Variants in HSF1 observed in about 807,000 individuals in gnomAD.
HSF1 encodes heat shock factor protein 1.
Under a neutral mutation model 51.7 loss-of-function variants are expected in HSF1, and 32 were observed. The ratio of observed to expected loss-of-function variants is 0.62; its 90% confidence interval spans 0.47 to 0.83. HSF1 has a LOEUF of 0.83. Ranked by LOEUF, HSF1 falls within the 40% of genes least tolerant of loss-of-function variation. The pLI is 0.00. For synonymous variants in HSF1, 396 were observed against 309.7 expected (o/e 1.28, Z -2.92); for missense variants, 727 against 717.0 (o/e 1.01, Z -0.16).
chr8:144,300,373 C>T (rs1588634650), intron 1 of HSF1, among the ~76,000 whole-genome samples: 1 of 152,084 alleles, frequency 6.6e-6, no homozygotes, highest in Non-Finnish European at 1.5e-5. Flanking sequence ...CCCGCCACCT[C>T]GCCCGGCTAA....
At chr8:144,310,230 G>A (rs1191509738) in intron 4 of HSF1, 5 of 256,438 alleles carry the variant, frequency 1.9e-5, no homozygotes, top group Admixed American at 1.0e-4. Context: ...CAGCAGACCC[G>A]TCCCACCCGC....
intron 1 of HSF1, among the ~76,000 whole-genome samples, chr8:144,296,720 C>T (rs906635199): frequency 2.6e-5 from 4 of 151,388 alleles, no homozygotes; most frequent in Non-Finnish European, 5.9e-5. Context: ...GGCAGGAGAA[C>T]GGCGTGAACC....
chr8:144,302,654 C>T (rs1308381476), intron 1 of HSF1, among the ~76,000 whole-genome samples: 1 of 151,468 alleles, frequency 6.6e-6, no homozygotes, highest in South Asian at 2.1e-4. Flanking sequence ...ATAGGGAGAC[C>T]CATCTCTACA....
intron 1 of HSF1, among the ~76,000 whole-genome samples, chr8:144,299,643 C>G (rs1372652191): frequency 6.6e-6 from 1 of 152,070 alleles, no homozygotes; most frequent in African/African-American, 2.4e-5. Flanking sequence ...GGCGTGGTGG[C>G]TCACACCTGT....
chr8:144,313,221 C>G (rs1258088923), intron 9 of HSF1: 1 of 456,548 alleles, frequency 2.2e-6, no homozygotes, highest in African/African-American at 2.0e-5. Context: ...ATCCCTGATC[C>G]TTGTGCTGGA....
intron 3 of HSF1, 75 bp from the exon 4 acceptor site, chr8:144,309,697 G>A: frequency 3.1e-6 from 5 of 1,593,056 alleles, no homozygotes; most frequent in Non-Finnish European, 3.4e-6. Flanking sequence ...TGAGGGACCT[G>A]GCTGCAGTGG....
At chr8:144,292,284 A>G (rs1225694554) in intron 1 of HSF1, among the ~76,000 whole-genome samples, 2 of 152,334 alleles carry the variant, frequency 1.3e-5, no homozygotes, top group Non-Finnish European at 2.9e-5. Context: ...GTCGGCAACT[A>G]TTAGGAGAAA....
In HSF1 at chr8:144,300,259, C is replaced by CA. The variant is rs1815769984; in HGVS notation, c.117+8386dup. Among the ~76,000 whole-genome samples the CA allele has an allele frequency of 2.1e-5, 3 of 143,328 alleles. No homozygotes were observed. In the South Asian group the frequency reaches 6.7e-4, roughly 32 times the overall value. The allele number at this position is 143,328 out of a possible 152,430, so 94.0% of individuals were successfully genotyped here. A position where few individuals can be genotyped will look rare whatever the true frequency, so the allele number is the denominator to read the frequency against. On this transcript the variant is annotated intron_variant, in intron 1 of 12. Coordinates refer to ENST00000528838, the MANE Select transcript of HSF1 (RefSeq NM_005526.4). Reference sequence around the variant, plus strand: ...TTGAGACGGAGTCTCGCTCTGTTGCCAGGCTGGAGTGCAGTGGCACAATCT... The same window carrying CA: ...TTGAGACGGAGTCTCGCTCTGTTGCCAAGGCTGGAGTGCAGTGGCACAATCT...
Position 144,308,824 on chromosome 8 carries a change from A to G in HSF1, c.118-82A>G, listed in dbSNP as rs1162286117. Reference sequence around the variant, plus strand: ...GGAACGTGCACTGCCTGCGTTTCAGAAGGGGCGGCCTGGGGAAGGGGCGGC... The same window carrying G: ...GGAACGTGCACTGCCTGCGTTTCAGGAGGGGCGGCCTGGGGAAGGGGCGGC... On this transcript the variant is annotated intron_variant, in intron 1 of 12. Coordinates refer to ENST00000528838, the MANE Select transcript of HSF1 (RefSeq NM_005526.4). 5 of 1,123,580 alleles carry G rather than the reference A, an allele frequency of 4.5e-6. No homozygotes were observed. The African/African-American group carries it at 6.1e-5, about 14-fold the overall frequency. The allele number at this position is 1,123,580 out of a possible 1,614,324, so 69.6% of individuals were successfully genotyped here. A position where few individuals can be genotyped will look rare whatever the true frequency, so the allele number is the denominator to read the frequency against.
At chr8:144,301,609 G>A (rs1278204887) in intron 1 of HSF1, among the ~76,000 whole-genome samples, 2 of 152,124 alleles carry the variant, frequency 1.3e-5, no homozygotes, top group African/African-American at 4.8e-5. Flanking sequence ...GCTCACGCCT[G>A]TAATCCCAGC....
intron 1 of HSF1, among the ~76,000 whole-genome samples, chr8:144,301,802 T>C (rs1290476397): frequency 3.6e-5 from 5 of 140,352 alleles, no homozygotes; most frequent in African/African-American, 5.4e-5. Context: ...GAGGCAGAGC[T>C]TGCAGTGAGC....
At chr8:144,300,501 G>A (rs571340701) in intron 1 of HSF1, among the ~76,000 whole-genome samples, 1 of 151,826 alleles carries the variant, frequency 6.6e-6, no homozygotes, top group South Asian at 2.1e-4. Context: ...GTCAGCCACC[G>A]CGCCCGGCCT....
Position 144,314,401 on chromosome 8 carries a change from C to CA in HSF1, c.*72dup. ...CAGGGCTGGTCTTGGGGAGGCAGGG[C>CA]AGCCTCGCGGTCTTGGGCACTGGTG... On this transcript the variant is annotated 3_prime_UTR_variant, in exon 13 of 13. Transcript: ENST00000528838. 1 of 1,388,542 alleles carries CA rather than the reference C, an allele frequency of 7.2e-7. No individual in the cohort carries two copies. Among genetic ancestry groups the CA allele is most frequent in the Non-Finnish European group, 9.9e-7 (1 of 1,012,778 alleles). The allele number at this position is 1,388,542 out of a possible 1,614,324, so 86.0% of individuals were successfully genotyped here. A position where few individuals can be genotyped will look rare whatever the true frequency, so the allele number is the denominator to read the frequency against.
chr8:144,309,424 G>A (rs782563446), intron 2 of HSF1, 31 bp from the exon 3 acceptor site: 30 of 1,612,692 alleles, frequency 1.9e-5, no homozygotes, highest in Non-Finnish European at 2.4e-5. Context: ...CCGCCCTGAG[G>A]CAGAGCTGCC....
In HSF1 at chr8:144,291,761, G is replaced by T; in HGVS notation, c.4G>T (p.Asp2Tyr). The T allele has an allele frequency of 6.6e-7, 1 of 1,513,368 alleles. No individual in the cohort carries two copies. Among genetic ancestry groups the T allele is most frequent in the Non-Finnish European group, 8.8e-7 (1 of 1,131,358 alleles). 93.7% of individuals were successfully genotyped at this position (1,513,368 alleles called of 1,614,324 possible). ...GCCTATTCCCTCCTTGCTCGAGATGGATCTGCCCGTGGGCCCCGGCGCGGC... is the reference window on the plus strand; with the variant it reads ...GCCTATTCCCTCCTTGCTCGAGATGTATCTGCCCGTGGGCCCCGGCGCGGC... M[D>Y]LPVGPGAAGP... Residue 2 changes from aspartate to tyrosine, a missense_variant, in exon 1 of 13, where the codon GAT (aspartate) becomes TAT (tyrosine). Asp to Tyr is a radical substitution (Grantham distance 160). This residue lies in a region of HSF1 where 257 missense variants were observed against 318.3 expected (regional missense o/e 0.81). Coordinates refer to ENST00000528838, the MANE Select transcript of HSF1 (RefSeq NM_005526.4). The surrounding 1 kb of genome is among the most constrained non-coding windows in gnomAD (Gnocchi z 4.1).
Position 144,309,004 on chromosome 8 carries a change from G to T in HSF1, c.216G>T (p.Gln72His). The T allele has an allele frequency of 6.2e-7, 1 of 1,613,132 alleles. No individual in the cohort carries two copies. The highest frequency in any genetic ancestry group is 8.5e-7 in the Non-Finnish European group (1 of 1,179,108). The change falls in exon 2 of 13, where the codon CAG (glutamine) becomes CAT (histidine). Residue 72 changes from glutamine (Q) to histidine (H), a missense_variant. Gln to His is a conservative substitution (Grantham distance 24). Around this residue, in one of 2 missense-constraint regions of HSF1, gnomAD observed 257 missense variants for 318.3 expected, o/e 0.81. Coordinates refer to ENST00000528838, the MANE Select transcript of HSF1 (RefSeq NM_005526.4). ...KHNNMASFVR[Q>H]LNMYGFRKVV... ...ACAACATGGCCAGCTTCGTGCGGCA[G>T]CTCAACATGTGTGAGTGCTGCCTCC...
intron 10 of HSF1, 58 bp from the exon 11 acceptor site, chr8:144,313,788 G>GCCTCCCCGCCT (rs1477629062): frequency 7.5e-4 from 2 of 2,668 alleles, no homozygotes; most frequent in African/African-American, 1.4e-3. Context: ...CCGCCTCCCC[G>GCCTCCCCGCCT]CCCCGCCTCC....
chr8:144,293,266 T>C lies in HSF1; in HGVS notation c.117+1392T>C, dbSNP rs368892902. Among the ~76,000 whole-genome samples the C allele has an allele frequency of 1.6e-4, 24 of 152,280 alleles. No homozygotes were observed. The East Asian group carries it at 3.1e-3, about 20-fold the overall frequency. ...ATCTTTGCTCTTGTTAGAAACACTT[T>C]GTGTTTGTCCCGCTGACACCTCTGT... On this transcript the variant is annotated intron_variant, in intron 1 of 12. Coordinates refer to ENST00000528838, the MANE Select transcript of HSF1 (RefSeq NM_005526.4).
At chr8:144,306,911 C>T (rs143732802) in intron 1 of HSF1, among the ~76,000 whole-genome samples, 41 of 152,148 alleles carry the variant, frequency 2.7e-4, no homozygotes, top group African/African-American at 8.9e-4. Flanking sequence ...CCGTCTTTTC[C>T]GGGGGCTGTG....
Sources: gnomAD v4.1 joint callset for allele counts (sites outside exome capture counted in the v4.1 genomes callset) on GRCh38, gnomAD v4.1.1 for gene constraint, gnomAD v4.1.1 regional missense constraint, Gnocchi (gnomAD v3.1) non-coding constraint, MANE v1.5 for transcripts, NCBI Gene and HGNC (gene_info 2026-07-23, HGNC 2026-07-21) for gene names.